Variants in DOCK8 observed in about 807,000 individuals in gnomAD.
DOCK8 encodes the protein dedicator of cytokinesis 8, also known as dedicator of cytokinesis protein 8.
Under a neutral mutation model 245.6 loss-of-function variants are expected in DOCK8, and 141 were observed. That is an observed-to-expected ratio of 0.57 (90% CI 0.50 to 0.66). DOCK8 has a LOEUF of 0.66. Among genes scored for constraint, DOCK8 ranks in the 30% least tolerant of loss-of-function variants. DOCK8 has a pLI of 0.00. For synonymous variants in DOCK8, 1,168 were observed against 970.2 expected, an observed-to-expected ratio of 1.20 and a Z score of -3.79; for missense variants, 2,965 against 2,603.4, an observed-to-expected ratio of 1.14 and a Z score of -3.02.
In DOCK8 at chr9:420,414, A is replaced by G. The variant is rs1408656612; in HGVS notation, c.3854A>G (p.Tyr1285Cys). ...IVLSSLPYKQ[Y>C]NMLNADTTRN... Reference sequence around the variant, plus strand: ...GCCTCCCTTCAGCCCTATAAGCAGTACAACATGCTGAACGCGGACACTACT... The same window carrying G: ...GCCTCCCTTCAGCCCTATAAGCAGTGCAACATGCTGAACGCGGACACTACT... The change falls in exon 31 of 48, where the codon TAC becomes TGC. Residue 1285 changes from tyrosine to cysteine, a missense_variant. This residue lies in a region of DOCK8 where 2,825 missense variants were observed against 2,453.5 expected (regional missense o/e 1.15). Transcript: ENST00000432829. The G allele has an allele frequency of 3.7e-6, 6 of 1,614,022 alleles. No individual in the cohort carries two copies. The Admixed American group carries it at 1.0e-4, about 27-fold the overall frequency.
intron 35 of DOCK8, among the ~76,000 whole-genome samples, chr9:429,455 C>T (rs964089367): frequency 6.6e-6 from 1 of 152,208 alleles, no homozygotes; most frequent in African/African-American, 2.4e-5. Flanking sequence ...GTGAATGCGA[C>T]CTGGCTCACA....
intron 31 of DOCK8, 92 bp downstream of exon 31, chr9:420,675 G>C (rs1415072247): frequency 6.6e-7 from 1 of 1,508,556 alleles, no homozygotes; most frequent in Non-Finnish European, 9.2e-7. Context: ...GGCCATGGAG[G>C]CATCATTAAT....
chr9:414,906 G>T lies in DOCK8; in HGVS notation c.3655G>T (p.Val1219Phe). ...VKIAALYLPL[V>F]GIILDALPQL... is the part of the protein sequence containing the mutation. ...AATCGCCGCCCTTTACCTACCTTTAGTTGGCATCATTTTGGATGCTTTGCC... is the reference window on the plus strand; with the variant it reads ...AATCGCCGCCCTTTACCTACCTTTATTTGGCATCATTTTGGATGCTTTGCC... The change falls in exon 29 of 48, where the codon GTT (valine) becomes TTT (phenylalanine). Residue 1219 changes from valine to phenylalanine, a missense_variant. Physicochemically the swap from Val to Phe is conservative, Grantham distance 50 (BLOSUM62 -1). This residue lies in a region of DOCK8 where 2,825 missense variants were observed against 2,453.5 expected (regional missense o/e 1.15). Coordinates refer to ENST00000432829, the MANE Select transcript of DOCK8 (RefSeq NM_203447.4). 6.2e-7 allele frequency: 1 copy of T among 1,614,108 alleles called. No homozygotes were observed. The highest frequency in any genetic ancestry group is 1.3e-5 in the African/African-American group (1 of 75,036).
At chr9:286,736 T>A in intron 3 of DOCK8, 100 bp downstream of exon 3, 2 of 1,132,372 alleles carry the variant, frequency 1.8e-6, no homozygotes, top group Non-Finnish European at 2.7e-6. Context: ...AAAAATAAAA[T>A]AAAATTACTC....
At chr9:377,906 C>T (rs996266356) in intron 20 of DOCK8, among the ~76,000 whole-genome samples, 3 of 152,194 alleles carry the variant, frequency 2.0e-5, no homozygotes, top group Non-Finnish European at 2.9e-5. Context: ...GACCAGAGTC[C>T]AGTGGTTCTC....
At chr9:379,631 C>A in intron 20 of DOCK8, 140 bp from the exon 21 acceptor site, 1 of 892,676 alleles carries the variant, frequency 1.1e-6, no homozygotes, top group East Asian at 2.6e-5. Flanking sequence ...TGCCAGAGCT[C>A]ACCAAAACCA....
chr9:355,229 G>C (rs1336161105), intron 14 of DOCK8, among the ~76,000 whole-genome samples: 14 of 125,712 alleles, frequency 1.1e-4, no homozygotes, highest in Non-Finnish European at 1.9e-4. Flanking sequence ...TTTTGAGACA[G>C]AGTCTCGCTC....
intron 1 of DOCK8, among the ~76,000 whole-genome samples, chr9:219,526 C>G (rs775536477): frequency 2.6e-5 from 4 of 152,000 alleles, no homozygotes; most frequent in Non-Finnish European, 5.9e-5. Flanking sequence ...TAATAATCAT[C>G]ACCAGAGAGT....
intron 26 of DOCK8, among the ~76,000 whole-genome samples, chr9:403,956 A>C (rs1320688451): frequency 1.5e-4 from 12 of 78,698 alleles, no homozygotes; most frequent in African/African-American, 7.2e-4. Flanking sequence ...GTATATATAT[A>C]TATGTATATA....
intron 1 of DOCK8, among the ~76,000 whole-genome samples, chr9:245,103 A>T (rs919068411): frequency 2.0e-5 from 3 of 152,098 alleles, no homozygotes; most frequent in Admixed American, 6.5e-5. Context: ...CCAGGCCCCT[A>T]AGGTCTCACA....
At chr9:406,716 T>G (rs1439096567) in intron 27 of DOCK8, among the ~76,000 whole-genome samples, 1 of 152,074 alleles carries the variant, frequency 6.6e-6, no homozygotes, top group Non-Finnish European at 1.5e-5. Flanking sequence ...TTTTCATCTT[T>G]CCCGCTGGGC....
Position 319,516 on chromosome 9 carries a change from TGAAA to T in DOCK8, c.827+2397_827+2400del, listed in dbSNP as rs1051276698. The stretch of plus-strand genomic sequence containing the variant: ...GAGTAACTACTTAGAGTAAACTAGA[TGAAA>T]GAAAGAAACAAATTCTTATAGGTAA... On this transcript the variant is annotated intron_variant, in intron 7 of 47. Transcript: ENST00000432829. Among the ~76,000 whole-genome samples, 15 of 152,010 alleles carry T rather than the reference TGAAA, an allele frequency of 9.9e-5. No individual in the cohort carries two copies. The East Asian group carries it at 2.9e-3, about 29-fold the overall frequency.
chr9:383,447 G>C (rs1015669254), intron 22 of DOCK8, among the ~76,000 whole-genome samples: 2 of 152,078 alleles, frequency 1.3e-5, no homozygotes, highest in East Asian at 3.8e-4. Flanking sequence ...CAGGAGAATC[G>C]CTTCAACCCA....
Position 377,139 on chromosome 9 carries a change from C to G in DOCK8, c.2368C>G (p.Leu790Val). The change falls in exon 20 of 48, where the codon CTC (leucine) becomes GTC (valine). Residue 790 changes from leucine (L) to valine (V), a missense_variant. Coordinates refer to ENST00000432829, the MANE Select transcript of DOCK8 (RefSeq NM_203447.4). ...LNSSRLEPLV[L>V]FLHLVLDKLF... ...CTCCTCCCGCCTGGAGCCGCTCGTG[C>G]TCTTCCTGCACCTGGTGCTGGACAA... 7.5e-6 allele frequency: 12 copies of G among 1,608,120 alleles called. No individual in the cohort carries two copies. Among genetic ancestry groups the G allele is most frequent in the Non-Finnish European group, 1.0e-5 (12 of 1,179,746 alleles).
At chr9:348,430 C>A (rs1331513873) in intron 14 of DOCK8, among the ~76,000 whole-genome samples, 1 of 152,162 alleles carries the variant, frequency 6.6e-6, no homozygotes, top group Non-Finnish European at 1.5e-5. Flanking sequence ...TTTGGTGTTA[C>A]AGCCCATATA....
intron 5 of DOCK8, 57 bp downstream of exon 5, chr9:304,761 T>G: frequency 3.7e-6 from 6 of 1,612,912 alleles, no homozygotes; most frequent in Non-Finnish European, 5.1e-6. Context: ...GCCCAGGGCA[T>G]GCTGTCAGTT....
chr9:437,939 G>A (rs2056957339), intron 39 of DOCK8, among the ~76,000 whole-genome samples: 1 of 152,150 alleles, frequency 6.6e-6, no homozygotes, highest in South Asian at 2.1e-4. Flanking sequence ...TTCCTCTAAT[G>A]TGGAAAATTG....
At chr9:305,439 C>T (rs538607601) in intron 5 of DOCK8, among the ~76,000 whole-genome samples, 2,172 of 151,818 alleles carry the variant, frequency 0.014, 93 homozygotes, top group African/African-American at 0.051. Context: ...CCCGCCACCA[C>T]GCCCAGCTAA....
intron 9 of DOCK8, among the ~76,000 whole-genome samples, chr9:328,736 T>C (rs986524337): frequency 2.4e-4 from 37 of 151,910 alleles, no homozygotes; most frequent in African/African-American, 3.4e-4. Flanking sequence ...TTTTTTTTTT[T>C]CTTCTTACCA....
Sources: gnomAD v4.1 joint callset for allele counts (sites outside exome capture counted in the v4.1 genomes callset) on GRCh38, gnomAD v4.1.1 for gene constraint, gnomAD v4.1.1 regional missense constraint, MANE v1.5 for transcripts, NCBI Gene and HGNC (gene_info 2026-07-23, HGNC 2026-07-21) for gene names.